The following STARD3NL variants were observed in gnomAD, a reference collection of about 807,000 sequenced individuals.
STARD3NL encodes STARD3 N-terminal like, also known as STARD3 N-terminal-like protein.
A neutral mutation model predicts 30.9 loss-of-function variants in STARD3NL; 17 were observed. The observed-to-expected ratio is 0.55, with a 90% confidence interval of 0.38 to 0.82. The LOEUF (loss-of-function observed/expected upper bound fraction) is 0.82, where lower values mean the gene tolerates loss of function less well. Ranked by LOEUF, STARD3NL falls within the 40% of genes least tolerant of loss-of-function variation. STARD3NL has a pLI of 0.00. For synonymous variants in STARD3NL, 112 were observed against 100.5 expected (o/e 1.11, Z -0.69); for missense variants, 234 against 277.6 (o/e 0.84, Z 1.12).
chr7:38,205,646 T>C (rs1247124355), intron 1 of STARD3NL, among the ~76,000 whole-genome samples: 1 of 152,166 alleles, frequency 6.6e-6, no homozygotes, highest in Non-Finnish European at 1.5e-5. Context: ...ATATACACTA[T>C]TCAGTTGTGT....
intron 1 of STARD3NL, among the ~76,000 whole-genome samples, chr7:38,201,492 C>T (rs1234550200): frequency 6.6e-6 from 1 of 152,062 alleles, no homozygotes; most frequent in African/African-American, 2.4e-5. Context: ...TGATCTTCCT[C>T]CTAAAATCAG....
At chr7:38,227,168 A>G (rs1786818050) in intron 7 of STARD3NL, among the ~76,000 whole-genome samples, 1 of 152,202 alleles carries the variant, frequency 6.6e-6, no homozygotes, top group Admixed American at 6.5e-5. Flanking sequence ...ATTTTAATTA[A>G]GGGTTTAGCT....
intron 1 of STARD3NL, among the ~76,000 whole-genome samples, chr7:38,206,184 A>G (rs1488569048): frequency 1.3e-5 from 2 of 152,200 alleles, no homozygotes; most frequent in Non-Finnish European, 2.9e-5. Flanking sequence ...GTCTGTTTCT[A>G]AATTCTATTT....
Position 38,207,544 on chromosome 7 carries a change from G to A in STARD3NL, c.40G>A (p.Gly14Arg), listed in dbSNP as rs139771990. 1.1e-5 allele frequency: 18 copies of A among 1,613,928 alleles called. No individual in the cohort carries two copies. The highest frequency in any genetic ancestry group is 6.6e-5 in the South Asian group (6 of 91,076). The change falls in exon 2 of 9, where the codon GGG becomes AGG. Residue 14 changes from glycine (G) to arginine (R), a missense_variant. Physicochemically the swap from Gly to Arg is moderately radical, Grantham distance 125. Transcript: ENST00000009041. ...AGAAGACATGGAGAACGCTCTCACC[G>A]GGAGCCAGAGCTCCCATGCTTCTCT... ...LPEDMENALT[G>R]SQSSHASLRN... is the part of the protein sequence containing the mutation.
At chr7:38,188,403 G>C (rs1784549767) in intron 1 of STARD3NL, among the ~76,000 whole-genome samples, 1 of 152,114 alleles carries the variant, frequency 6.6e-6, no homozygotes, top group African/African-American at 2.4e-5. Context: ...CCTAGTCGTT[G>C]CTCAGATGCT....
intron 7 of STARD3NL, among the ~76,000 whole-genome samples, chr7:38,228,399 G>A (rs962259460): frequency 3.9e-5 from 6 of 152,138 alleles, no homozygotes; most frequent in Non-Finnish European, 7.3e-5. Flanking sequence ...CTGCTCTCTC[G>A]CTCGTCTGCC....
intron 3 of STARD3NL, 98 bp downstream of exon 3, chr7:38,214,532 T>C (rs1023611249): frequency 4.5e-6 from 3 of 662,576 alleles, no homozygotes; most frequent in Non-Finnish European, 7.6e-6. Flanking sequence ...TTTTTTCCTC[T>C]TTTGAACACT....
chr7:38,199,817 G>C (rs1785091893), intron 1 of STARD3NL, among the ~76,000 whole-genome samples: 2 of 152,194 alleles, frequency 1.3e-5, no homozygotes, highest in Non-Finnish European at 2.9e-5. Context: ...CATGGTTCAG[G>C]TATTGGGGAT....
rs1241865233 is a variant in STARD3NL at position 38,230,635 on chromosome 7, C to T, written c.*730C>T. On this transcript the variant is annotated 3_prime_UTR_variant, in exon 9 of 9. Coordinates refer to ENST00000009041, the MANE Select transcript of STARD3NL (RefSeq NM_032016.4). The stretch of plus-strand genomic sequence containing the variant: ...AACCATTCATATCATGTTTCCTTTG[C>T]GTTCAGCCAATTTCAATTAAAATGA... 6.6e-6 allele frequency: 1 copy of T among 152,170 alleles called. No individual in the cohort carries two copies. The highest frequency in any genetic ancestry group is 2.1e-4 in the South Asian group (1 of 4,836). 9.4% of individuals were successfully genotyped at this position (152,170 alleles called of 1,614,324 possible). A position where few individuals can be genotyped will look rare whatever the true frequency, so the allele number is the denominator to read the frequency against.
chr7:38,225,416 A>G (rs960293595), intron 7 of STARD3NL, among the ~76,000 whole-genome samples: 4 of 152,202 alleles, frequency 2.6e-5, no homozygotes, highest in South Asian at 2.1e-4. Flanking sequence ...CTTTAACTCT[A>G]TGACATGAAG....
chr7:38,181,256 G>A lies in STARD3NL; in HGVS notation c.-59+2836G>A, dbSNP rs1041743188. Among the ~76,000 whole-genome samples, 6 of 152,228 alleles carry A rather than the reference G, an allele frequency of 3.9e-5. No individual in the cohort carries two copies. In the East Asian group the frequency reaches 7.7e-4, roughly 20 times the overall value. On this transcript the variant is annotated intron_variant, in intron 1 of 8. Transcript: ENST00000009041. Reference sequence around the variant, plus strand: ...ACTATTTTCCTAGCCTTAATCTTACGCTTAGAAGTATGGGAATATTGCCTA... The same window carrying A: ...ACTATTTTCCTAGCCTTAATCTTACACTTAGAAGTATGGGAATATTGCCTA...
intron 1 of STARD3NL, among the ~76,000 whole-genome samples, chr7:38,191,184 G>A (rs1312411836): frequency 6.6e-6 from 1 of 152,150 alleles, no homozygotes; most frequent in Non-Finnish European, 1.5e-5. Context: ...ACTGGGAGTT[G>A]CAAACCACTG....
At chr7:38,186,708 C>T (rs890854497) in intron 1 of STARD3NL, among the ~76,000 whole-genome samples, 3 of 152,174 alleles carry the variant, frequency 2.0e-5, no homozygotes, top group African/African-American at 7.2e-5. Flanking sequence ...AGCCTAGAAG[C>T]AATAGGCTGT....
chr7:38,219,518 C>T, intron 6 of STARD3NL, 47 bp from the exon 7 acceptor site: 4 of 1,420,620 alleles, frequency 2.8e-6, no homozygotes, highest in Non-Finnish European at 3.9e-6. Flanking sequence ...CAAAAAGCTA[C>T]CAGAAAGGTG....
chr7:38,196,053 A>C (rs1583786758), intron 1 of STARD3NL, among the ~76,000 whole-genome samples: 1 of 152,186 alleles, frequency 6.6e-6, no homozygotes, highest in African/African-American at 2.4e-5. Context: ...TGCAGTGAAC[A>C]CCTTAACTGC....
intron 1 of STARD3NL, among the ~76,000 whole-genome samples, chr7:38,193,258 C>G (rs1784763760): frequency 6.6e-6 from 1 of 151,416 alleles, no homozygotes; most frequent in Non-Finnish European, 1.5e-5. Flanking sequence ...ACAGAAATGT[C>G]TGTCCTCCTA....
At chr7:38,189,204 C>T (rs1403482990) in intron 1 of STARD3NL, among the ~76,000 whole-genome samples, 2 of 152,064 alleles carry the variant, frequency 1.3e-5, no homozygotes, top group East Asian at 3.9e-4. Context: ...GGAATGAAAG[C>T]ATTAATTACA....
intron 1 of STARD3NL, among the ~76,000 whole-genome samples, chr7:38,197,136 T>TTTTTTCTTTCTTTCTTTC (rs377342892): frequency 8.7e-4 from 98 of 112,380 alleles, no homozygotes; most frequent in African/African-American, 3.2e-3. Flanking sequence ...GCATTACCTT[T>TTTTTTCTTTCTTTCTTTC]TTTCTTTCTT....
intron 1 of STARD3NL, among the ~76,000 whole-genome samples, chr7:38,181,882 T>C (rs951123144): frequency 2.6e-5 from 4 of 152,180 alleles, no homozygotes; most frequent in African/African-American, 9.7e-5. Context: ...GTGCCATTAC[T>C]AGTTCTGCTT....
Sources: gnomAD v4.1 joint callset for allele counts (sites outside exome capture counted in the v4.1 genomes callset) on GRCh38, gnomAD v4.1.1 for gene constraint, MANE v1.5 for transcripts, NCBI Gene and HGNC (gene_info 2026-07-23, HGNC 2026-07-21) for gene names.